The following ZCCHC24 variants were observed in gnomAD, a reference collection of about 807,000 sequenced individuals.
The protein encoded by ZCCHC24 is zinc finger CCHC-type containing 24, also known as zinc finger CCHC domain-containing protein 24.
A neutral mutation model predicts 26.2 loss-of-function variants in ZCCHC24; 10 were observed. The ratio of observed to expected loss-of-function variants is 0.38; its 90% CI spans 0.24 to 0.65. The LOEUF is 0.65. Among genes scored for constraint, ZCCHC24 ranks in the 30% least tolerant of loss-of-function variants. The probability of loss-of-function intolerance (pLI) is 0.54; values close to 1 mark genes in which losing one functional copy is unlikely to be tolerated. For missense variants in ZCCHC24, 243 were observed against 329.1 expected (o/e 0.74, Z 2.03); for synonymous variants, 144 against 147.1 (o/e 0.98, Z 0.15).
intron 2 of ZCCHC24, among the ~76,000 whole-genome samples, chr10:79,405,518 C>T (rs376325591): frequency 1.3e-3 from 196 of 152,362 alleles, no homozygotes; most frequent in Non-Finnish European, 1.9e-3. Flanking sequence ...CCCAGGACGC[C>T]TCCTTGGGCA....
At chr10:79,426,574 A>G (rs571553177) in intron 2 of ZCCHC24, among the ~76,000 whole-genome samples, 1 of 152,296 alleles carries the variant, frequency 6.6e-6, no homozygotes, top group South Asian at 2.1e-4. Context: ...ACATAGGAGT[A>G]ACATTTCTCT....
chr10:79,424,879 G>A (rs1469418039), intron 2 of ZCCHC24, among the ~76,000 whole-genome samples: 5 of 152,250 alleles, frequency 3.3e-5, no homozygotes, highest in African/African-American at 1.2e-4. Flanking sequence ...CCTCTCTGAG[G>A]CCTCCCACGA....
intron 1 of ZCCHC24, among the ~76,000 whole-genome samples, chr10:79,435,882 G>A (rs1179120445): frequency 6.6e-6 from 1 of 151,586 alleles, no homozygotes; most frequent in Non-Finnish European, 1.5e-5. Flanking sequence ...ACAGCCTGTG[G>A]GGACTGGATG....
intron 2 of ZCCHC24, among the ~76,000 whole-genome samples, chr10:79,427,065 A>C (rs965575036): frequency 6.6e-6 from 1 of 152,070 alleles, no homozygotes; most frequent in South Asian, 2.1e-4. Context: ...AATATACTTT[A>C]AAACAAAAAA....
At chr10:79,412,145 C>T (rs1856802111) in intron 2 of ZCCHC24, among the ~76,000 whole-genome samples, 1 of 152,250 alleles carries the variant, frequency 6.6e-6, no homozygotes, top group African/African-American at 2.4e-5. Context: ...TCTGCAGCTG[C>T]ACATGCACAC....
At chr10:79,393,352 G>A (rs1410893575) in intron 3 of ZCCHC24, among the ~76,000 whole-genome samples, 1 of 152,206 alleles carries the variant, frequency 6.6e-6, no homozygotes, top group East Asian at 1.9e-4. Flanking sequence ...AGGCTGCCCA[G>A]TTCAGGAACG....
Position 79,423,975 on chromosome 10 carries a change from G to A in ZCCHC24, c.447+8583C>T, listed in dbSNP as rs1457321459. Among the ~76,000 whole-genome samples, 14 of 148,196 alleles carry A rather than the reference G, an allele frequency of 9.4e-5. No individual in the cohort carries two copies. In the South Asian group the frequency reaches 1.5e-3, roughly 16 times the overall value. On this transcript the variant is annotated intron_variant, in intron 2 of 3. Transcript: ENST00000372336. ...GGAGGTTGCAGTGAGCTGAGATCGC[G>A]CCACTGCACTCCAGCCTGGGCAACA...
chr10:79,401,257 T>C (rs919958144), intron 2 of ZCCHC24, among the ~76,000 whole-genome samples: 30 of 152,288 alleles, frequency 2.0e-4, no homozygotes, highest in Middle Eastern at 3.4e-3. Context: ...GCCACTCCCA[T>C]CTGCACAGGG....
chr10:79,402,345 C>T (rs920973740), intron 2 of ZCCHC24, among the ~76,000 whole-genome samples: 12 of 152,082 alleles, frequency 7.9e-5, no homozygotes, highest in African/African-American at 1.7e-4. Context: ...GCGTGATCTC[C>T]GCTCACTGCA....
At chr10:79,418,926 AG>A (rs1417493506) in intron 2 of ZCCHC24, among the ~76,000 whole-genome samples, 1 of 152,070 alleles carries the variant, frequency 6.6e-6, no homozygotes, top group Non-Finnish European at 1.5e-5. Flanking sequence ...GGGCTCTGAA[AG>A]GGGGATAGGA....
chr10:79,405,988 C>T (rs1856706811), intron 2 of ZCCHC24, among the ~76,000 whole-genome samples: 1 of 152,256 alleles, frequency 6.6e-6, no homozygotes, highest in Non-Finnish European at 1.5e-5. Flanking sequence ...GGGATTCGAT[C>T]TCCTCATCTG....
intron 2 of ZCCHC24, among the ~76,000 whole-genome samples, chr10:79,411,842 A>C (rs1000879585): frequency 2.0e-5 from 3 of 152,000 alleles, no homozygotes; most frequent in Non-Finnish European, 2.9e-5. Flanking sequence ...GGACCCTGCC[A>C]TCCCACTCTG....
chr10:79,394,511 G>C, intron 2 of ZCCHC24, 71 bp from the exon 3 acceptor site: 1 of 1,563,874 alleles, frequency 6.4e-7, no homozygotes, highest in Non-Finnish European at 8.7e-7. Context: ...GGGTTCCCCT[G>C]GCCTCCGCCT....
In ZCCHC24 at chr10:79,432,744, A is replaced by C; in HGVS notation, c.261T>G (p.Ser87Arg). The change falls in exon 2 of 4, where the codon AGT (serine) becomes AGG (arginine). Residue 87 changes from serine to arginine, a missense_variant. Physicochemically the swap from Ser to Arg is moderately radical, Grantham distance 110. Around this residue, in one of 2 missense-constraint regions of ZCCHC24, gnomAD observed 147 missense variants for 150.8 expected, o/e 0.97. Coordinates refer to ENST00000372336, the MANE Select transcript of ZCCHC24 (RefSeq NM_153367.4). ...CATAGGGTGAGGCGCCCTTGTACAC[A>C]CTGTTGCTCAGCGCCTGTGGGAGAC... Reference protein sequence around the residue: ...QLQRGEALSNSVYKGASPYGS... With the variant: ...QLQRGEALSNRVYKGASPYGS... The C allele has an allele frequency of 6.2e-7, 1 of 1,607,832 alleles. No homozygotes were observed.
intron 1 of ZCCHC24, among the ~76,000 whole-genome samples, chr10:79,434,872 T>C (rs768936887): frequency 6.6e-6 from 1 of 151,570 alleles, no homozygotes; most frequent in Non-Finnish European, 1.5e-5. Context: ...TGAAACTCCA[T>C]GCCCGTGAAA....
chr10:79,436,043 T>C (rs1049601165), intron 1 of ZCCHC24, among the ~76,000 whole-genome samples: 1 of 152,062 alleles, frequency 6.6e-6, no homozygotes, highest in Non-Finnish European at 1.5e-5. Context: ...TTTCCTAGGG[T>C]CCAGACACCC....
At chr10:79,408,543 G>A (rs77902475) in intron 2 of ZCCHC24, among the ~76,000 whole-genome samples, 5 of 152,166 alleles carry the variant, frequency 3.3e-5, no homozygotes, top group Non-Finnish European at 7.3e-5. Context: ...CACTGGAGGA[G>A]GGTGGTTAAC....
intron 2 of ZCCHC24, among the ~76,000 whole-genome samples, chr10:79,401,711 G>A (rs1019433094): frequency 1.3e-5 from 2 of 152,204 alleles, no homozygotes; most frequent in Admixed American, 6.5e-5. Flanking sequence ...GGCCTCCCAG[G>A]AGGCCCATAA....
chr10:79,396,171 A>G (rs767229189), intron 2 of ZCCHC24, among the ~76,000 whole-genome samples: 6 of 152,226 alleles, frequency 3.9e-5, no homozygotes, highest in Non-Finnish European at 7.3e-5. Context: ...ATGCTACAGC[A>G]TATGTCAGCA....
Sources: gnomAD v4.1 joint callset for allele counts (sites outside exome capture counted in the v4.1 genomes callset) on GRCh38, gnomAD v4.1.1 for gene constraint, gnomAD v4.1.1 regional missense constraint, MANE v1.5 for transcripts, NCBI Gene and HGNC (gene_info 2026-07-23, HGNC 2026-07-21) for gene names.